The following PRORP variants were observed in gnomAD, a reference collection of about 807,000 sequenced individuals.
The protein encoded by PRORP is protein only RNase P catalytic subunit, also known as mitochondrial ribonuclease P catalytic subunit.
Under a neutral mutation model 59.4 loss-of-function variants are expected in PRORP, and 51 were observed. The ratio of observed to expected loss-of-function variants is 0.86; its 90% CI spans 0.69 to 1.08. PRORP has a LOEUF of 1.08. PRORP is among the 50% of genes least tolerant of loss of function. The pLI is 0.00. For missense variants in PRORP, 646 were observed against 690.3 expected, an observed-to-expected ratio of 0.94 and a Z score of 0.72; for synonymous variants, 231 against 245.6, an observed-to-expected ratio of 0.94 and a Z score of 0.55.
At chr14:35,175,180 G>T (rs547025320) in intron 4 of PRORP, among the ~76,000 whole-genome samples, 3 of 152,012 alleles carry the variant, frequency 2.0e-5, no homozygotes, top group African/African-American at 7.2e-5. Flanking sequence ...CTTTGCTATT[G>T]TGAACAGTGC....
At chr14:35,124,757 A>G (rs889111428) in intron 2 of PRORP, among the ~76,000 whole-genome samples, 9 of 149,604 alleles carry the variant, frequency 6.0e-5, no homozygotes, top group African/African-American at 2.2e-4. Flanking sequence ...CATAGCAAGA[A>G]AAGAATATAG....
At chr14:35,139,986 C>T (rs2047448557) in intron 4 of PRORP, among the ~76,000 whole-genome samples, 1 of 145,552 alleles carries the variant, frequency 6.9e-6, no homozygotes, top group Non-Finnish European at 1.5e-5. Context: ...GTGTGTGTAT[C>T]TCTGTGTGCC....
intron 5 of PRORP, among the ~76,000 whole-genome samples, chr14:35,195,268 A>G (rs1249120543): frequency 6.6e-6 from 1 of 152,184 alleles, no homozygotes; most frequent in Non-Finnish European, 1.5e-5. Context: ...TTGCACAGGT[A>G]CATAAAGATA....
intron 5 of PRORP, among the ~76,000 whole-genome samples, chr14:35,194,803 A>G (rs1313092378): frequency 2.0e-5 from 3 of 152,216 alleles, no homozygotes; most frequent in Non-Finnish European, 4.4e-5. Context: ...CATCCAATAT[A>G]TAATCTTCAA....
Position 35,123,509 on chromosome 14 carries a change from A to C in PRORP, c.264A>C (p.Gly88=). 1 of 1,614,138 alleles carries C rather than the reference A, an allele frequency of 6.2e-7. No individual in the cohort carries two copies. Among genetic ancestry groups the C allele is most frequent in the Non-Finnish European group, 8.5e-7 (1 of 1,180,020 alleles). The change falls in exon 2 of 8, where the codon GGA becomes GGC. Residue 88 remains glycine (G), a synonymous_variant. Coordinates refer to ENST00000534898, the MANE Select transcript of PRORP (RefSeq NM_014672.4). ...CTGTTCCTCATTTTTTTTTAGCTGG[A>C]GCAGCTAAGGAGAGATCACAGATGA... is the stretch of plus-strand genomic sequence containing the variant. ...VYSVPHFFLA[G]AAKERSQMNS...
chr14:35,262,847 A>G, intron 5 of PRORP: 1 of 1,513,218 alleles, frequency 6.6e-7, no homozygotes, highest in Non-Finnish European at 9.2e-7. Context: ...GGATGAGAAC[A>G]GGTGTTGCTT....
At chr14:35,189,583 A>T (rs2048831700) in intron 5 of PRORP, among the ~76,000 whole-genome samples, 1 of 152,064 alleles carries the variant, frequency 6.6e-6, no homozygotes, top group Non-Finnish European at 1.5e-5. Flanking sequence ...ATTCCAAGCC[A>T]GATACTGTTT....
rs2051052236 is a variant in PRORP at position 35,266,749 on chromosome 14, T to C, written c.1298T>C (p.Leu433Pro). 3 of 1,614,078 alleles carry C rather than the reference T, an allele frequency of 1.9e-6. No homozygotes were observed. The highest frequency in any genetic ancestry group is 8.5e-7 in the Non-Finnish European group (1 of 1,179,988). Reference sequence around the variant, plus strand: ...TAGCTCTTGAATGTCGTCTCTCAACTAGCCAAACGGAATCTGCGACTGCTG... The same window carrying C: ...TAGCTCTTGAATGTCGTCTCTCAACCAGCCAAACGGAATCTGCGACTGCTG... ...SQLLLNVVSQLAKRNLRLLVL... is the reference protein window; with the variant it reads ...SQLLLNVVSQPAKRNLRLLVL... Residue 433 changes from leucine to proline, a missense_variant, in exon 6 of 8, where the codon CTA becomes CCA. Physicochemically the swap from Leu to Pro is moderately conservative, Grantham distance 98. Coordinates refer to ENST00000534898, the MANE Select transcript of PRORP (RefSeq NM_014672.4).
chr14:35,256,216 G>A (rs1334537949), intron 5 of PRORP, among the ~76,000 whole-genome samples: 4 of 148,276 alleles, frequency 2.7e-5, no homozygotes, highest in Non-Finnish European at 4.5e-5. Flanking sequence ...CCCAGGAGGC[G>A]GAGGCTGCAG....
At chr14:35,133,497 A>C (rs755407137) in intron 4 of PRORP, among the ~76,000 whole-genome samples, 1 of 152,116 alleles carries the variant, frequency 6.6e-6, no homozygotes, top group African/African-American at 2.4e-5. Context: ...CTGTTTCTCC[A>C]GTATTGTTCC....
At chr14:35,248,002 G>A (rs1440288943) in intron 5 of PRORP, among the ~76,000 whole-genome samples, 1 of 152,168 alleles carries the variant, frequency 6.6e-6, no homozygotes, top group Non-Finnish European at 1.5e-5. Context: ...TGGCATCAGA[G>A]AAGATAGTGG....
chr14:35,200,023 A>G (rs1468806937), intron 5 of PRORP, among the ~76,000 whole-genome samples: 1 of 152,226 alleles, frequency 6.6e-6, no homozygotes, highest in Admixed American at 6.5e-5. Flanking sequence ...TGGAGGATAA[A>G]TGGAAACAGC....
At chr14:35,140,814 GT>G (rs2047464725) in intron 4 of PRORP, among the ~76,000 whole-genome samples, 1 of 145,730 alleles carries the variant, frequency 6.9e-6, no homozygotes, top group Admixed American at 7.1e-5. Context: ...CTGTTGAATA[GT>G]TTTGGGAGAA....
intron 5 of PRORP, chr14:35,235,593 C>T (rs1027985997): frequency 6.1e-6 from 3 of 495,546 alleles, no homozygotes; most frequent in South Asian, 5.9e-5. Flanking sequence ...TTAGTGGGGA[C>T]GTCCCCTTTG....
Position 35,273,636 on chromosome 14 carries a change from G to C in PRORP, c.*70G>C, listed in dbSNP as rs1333771608. The C allele has an allele frequency of 1.4e-6, 2 of 1,470,852 alleles. No individual in the cohort carries two copies. Among genetic ancestry groups the C allele is most frequent in the Non-Finnish European group, 1.8e-6 (2 of 1,091,006 alleles). The allele number at this position is 1,470,852 out of a possible 1,614,324, so 91.1% of individuals were successfully genotyped here. ...GTTGGCATCAGAGGCTCTTGAGCTG[G>C]TGTTTGTTTAGGGCATTGCCTCTGT... On this transcript the variant is annotated 3_prime_UTR_variant, in exon 8 of 8. Coordinates refer to ENST00000534898, the MANE Select transcript of PRORP (RefSeq NM_014672.4).
At chr14:35,125,016 A>G (rs2047063544) in intron 2 of PRORP, among the ~76,000 whole-genome samples, 1 of 151,454 alleles carries the variant, frequency 6.6e-6, no homozygotes, top group African/African-American at 2.4e-5. Flanking sequence ...ATGCGCCACC[A>G]TGCCCTGCTA....
intron 5 of PRORP, among the ~76,000 whole-genome samples, chr14:35,257,510 A>T (rs2050791447): frequency 1.3e-5 from 2 of 152,194 alleles, no homozygotes; most frequent in South Asian, 4.1e-4. Flanking sequence ...TCCATGTTGT[A>T]GCATGTATTA....
In PRORP at chr14:35,123,742, C is replaced by T. The variant is rs2047009542; in HGVS notation, c.497C>T (p.Ala166Val). 1.2e-6 allele frequency: 2 copies of T among 1,614,212 alleles called. No homozygotes were observed. Among genetic ancestry groups the T allele is most frequent in the Non-Finnish European group, 8.5e-7 (1 of 1,180,034 alleles). Residue 166 changes from alanine (A) to valine (V), a missense_variant, in exon 2 of 8, where the codon GCA (alanine) becomes GTA (valine). Coordinates refer to ENST00000534898, the MANE Select transcript of PRORP (RefSeq NM_014672.4). The stretch of plus-strand genomic sequence containing the variant: ...GCTAAATCTCTGCTGGCATGGGTAG[C>T]AGCCAAAAATAATGGTATTGTAAGT... ...DVAKSLLAWV[A>V]AKNNGIVSYD...
At chr14:35,217,218 A>G (rs1020348280) in intron 5 of PRORP, among the ~76,000 whole-genome samples, 5 of 152,156 alleles carry the variant, frequency 3.3e-5, no homozygotes, top group African/African-American at 1.2e-4. Flanking sequence ...ACCATTGTCT[A>G]GGGTGGGCGC....
Sources: gnomAD v4.1 joint callset for allele counts (sites outside exome capture counted in the v4.1 genomes callset) on GRCh38, gnomAD v4.1.1 for gene constraint, MANE v1.5 for transcripts, NCBI Gene and HGNC (gene_info 2026-07-23, HGNC 2026-07-21) for gene names.